CTNNA3: variants seen among roughly 807,000 people sequenced by gnomAD.
CTNNA3 encodes catenin alpha 3, also known as catenin alpha-3.
Under a neutral mutation model 95.7 loss-of-function variants are expected in CTNNA3, and 76 were observed. The observed-to-expected ratio is 0.79, with a 90% CI of 0.66 to 0.96. The LOEUF is 0.96. Among genes scored for constraint, CTNNA3 ranks in the 40% least tolerant of loss-of-function variants. The pLI is 0.00. For synonymous variants in CTNNA3, 431 were observed against 374.4 expected, an observed-to-expected ratio of 1.15 and a Z score of -1.74; for missense variants, 1,191 against 1,089.8, an observed-to-expected ratio of 1.09 and a Z score of -1.31.
chr10:66,480,230 T>G (rs1839472639), intron 11 of CTNNA3, among the ~76,000 whole-genome samples: 1 of 152,180 alleles, frequency 6.6e-6, no homozygotes, highest in African/African-American at 2.4e-5. Context: ...ATCTCACAGT[T>G]GTAGTCATTT....
At chr10:66,284,887 T>G (rs1041072159) in intron 12 of CTNNA3, among the ~76,000 whole-genome samples, 2 of 151,932 alleles carry the variant, frequency 1.3e-5, no homozygotes, top group South Asian at 2.1e-4. Context: ...AAAGTGGCAT[T>G]AAGCATATAA....
At chr10:67,307,503 T>A (rs180775960) in intron 5 of CTNNA3, among the ~76,000 whole-genome samples, 1 of 152,302 alleles carries the variant, frequency 6.6e-6, no homozygotes, top group Non-Finnish European at 1.5e-5. Flanking sequence ...TGGTTGTTTT[T>A]ACCTCAGCAA....
chr10:67,185,369 G>T (rs974169017), intron 6 of CTNNA3, among the ~76,000 whole-genome samples: 1 of 151,868 alleles, frequency 6.6e-6, no homozygotes, highest in Non-Finnish European at 1.5e-5. Context: ...CACATGATCC[G>T]CCTGCCTCGG....
chr10:66,880,441 G>C (rs1175306879), intron 7 of CTNNA3, among the ~76,000 whole-genome samples: 1 of 152,066 alleles, frequency 6.6e-6, no homozygotes, highest in Non-Finnish European at 1.5e-5. Flanking sequence ...GCAAAAACTA[G>C]ACTTGTGTAT....
At chr10:66,628,234 T>TTG (rs1445002451) in intron 9 of CTNNA3, among the ~76,000 whole-genome samples, 1 of 152,188 alleles carries the variant, frequency 6.6e-6, no homozygotes. Context: ...TTATTGTCTA[T>TTG]TGTGTCTGAA....
intron 5 of CTNNA3, among the ~76,000 whole-genome samples, chr10:67,367,965 T>C (rs1175384390): frequency 1.3e-5 from 2 of 152,074 alleles, no homozygotes; most frequent in Non-Finnish European, 2.9e-5. Flanking sequence ...TAGGTTTAAT[T>C]GTATCCCAAA....
chr10:66,036,528 C>G (rs2079566463), intron 15 of CTNNA3, among the ~76,000 whole-genome samples: 1 of 152,056 alleles, frequency 6.6e-6, no homozygotes, highest in African/African-American at 2.4e-5. Context: ...GCATGTACCA[C>G]CACGCCCTGC....
chr10:67,197,579 A>C (rs1863437721), intron 6 of CTNNA3, among the ~76,000 whole-genome samples: 1 of 152,140 alleles, frequency 6.6e-6, no homozygotes, highest in African/African-American at 2.4e-5. Flanking sequence ...CAGTTTCTCA[A>C]TAACAGCATC....
At chr10:67,284,835 T>G (rs931193530) in intron 5 of CTNNA3, among the ~76,000 whole-genome samples, 2 of 152,278 alleles carry the variant, frequency 1.3e-5, no homozygotes, top group Non-Finnish European at 2.9e-5. Context: ...TAGTGAGTGT[T>G]AAAAATATTG....
At chr10:67,518,508 A>G (rs970350605) in intron 5 of CTNNA3, among the ~76,000 whole-genome samples, 2 of 152,094 alleles carry the variant, frequency 1.3e-5, no homozygotes, top group Non-Finnish European at 2.9e-5. Context: ...CAATAATTTA[A>G]TTTTACATAT....
At chr10:67,495,147 A>G (rs1285512665) in intron 5 of CTNNA3, among the ~76,000 whole-genome samples, 3 of 152,170 alleles carry the variant, frequency 2.0e-5, no homozygotes, top group East Asian at 1.9e-4. Flanking sequence ...GTCAAAGTAC[A>G]TGATAAAGTG....
intron 7 of CTNNA3, among the ~76,000 whole-genome samples, chr10:66,796,606 G>A (rs1290120769): frequency 6.6e-6 from 1 of 152,010 alleles, no homozygotes; most frequent in East Asian, 1.9e-4. Context: ...CCTGAAGCAG[G>A]ATTTCCACAA....
chr10:66,641,935 T>A (rs985305775), intron 9 of CTNNA3, among the ~76,000 whole-genome samples: 1 of 152,178 alleles, frequency 6.6e-6, no homozygotes, highest in Non-Finnish European at 1.5e-5. Context: ...TTTGAAATTA[T>A]GAATACAACC....
At chr10:66,914,449 C>A (rs940579134) in intron 7 of CTNNA3, among the ~76,000 whole-genome samples, 11 of 151,634 alleles carry the variant, frequency 7.3e-5, no homozygotes, top group Non-Finnish European at 1.6e-4. Context: ...GAATCTTAAC[C>A]GTAGAGAAAC....
At chr10:66,691,751 C>T (rs1020866911) in intron 9 of CTNNA3, among the ~76,000 whole-genome samples, 3 of 152,132 alleles carry the variant, frequency 2.0e-5, no homozygotes, top group African/African-American at 7.2e-5. Context: ...CTGGGTACTC[C>T]TCTGAGACAA....
chr10:67,309,309 T>A (rs1840686250), intron 5 of CTNNA3, among the ~76,000 whole-genome samples: 1 of 152,156 alleles, frequency 6.6e-6, no homozygotes, highest in Admixed American at 6.5e-5. Flanking sequence ...CATCATCAAG[T>A]GAAATACTAT....
chr10:65,947,932 G>T (rs1054655444), intron 17 of CTNNA3, among the ~76,000 whole-genome samples: 7 of 152,108 alleles, frequency 4.6e-5, no homozygotes, highest in Admixed American at 3.9e-4. Context: ...TATAAGTGAG[G>T]GTCCTAAAAC....
chr10:67,443,669 T>G (rs1846622814), intron 5 of CTNNA3, among the ~76,000 whole-genome samples: 1 of 152,212 alleles, frequency 6.6e-6, no homozygotes, highest in Non-Finnish European at 1.5e-5. Flanking sequence ...TAAATTTGTT[T>G]GAGTTCATTA....
chr10:67,115,356 G>A (rs1214719809), intron 7 of CTNNA3, among the ~76,000 whole-genome samples: 2 of 151,794 alleles, frequency 1.3e-5, no homozygotes, highest in South Asian at 2.1e-4. Flanking sequence ...GGGGAGGGGC[G>A]AGGGATACCA....
Sources: gnomAD v4.1 joint callset for allele counts (sites outside exome capture counted in the v4.1 genomes callset) on GRCh38, gnomAD v4.1.1 for gene constraint, MANE v1.5 for transcripts, NCBI Gene and HGNC (gene_info 2026-07-23, HGNC 2026-07-21) for gene names.